CELF2: variants seen among roughly 807,000 people sequenced by gnomAD.
The protein encoded by CELF2 is CUG triplet repeat RNA-binding protein 2.
CELF2 carries 8 observed loss-of-function variants against 62.6 expected under a neutral mutation model. The observed-to-expected ratio is 0.13, with a 90% CI of 0.07 to 0.23. The LOEUF (loss-of-function observed/expected upper bound fraction) is 0.23. Ranked by LOEUF, CELF2 falls within the 10% of genes least tolerant of loss-of-function variation. CELF2 has a pLI of 1.00. For synonymous variants in CELF2, 258 were observed against 250.0 expected, an observed-to-expected ratio of 1.03 and a Z score of -0.30; for missense variants, 333 against 671.0, an observed-to-expected ratio of 0.50 and a Z score of 5.56.
rs1287856411 is a variant in CELF2 at position 11,280,180 on chromosome 10, A to G, written c.841+5060A>G. On this transcript the variant is annotated intron_variant, in intron 8 of 12. Transcript: ENST00000633077. The surrounding 1 kb of genome is among the most constrained non-coding windows in gnomAD (Gnocchi z 7.6). ...GGCACCCACATACCTCAGAAAAGAG[A>G]GAGCGACAGAGGGGAACCAGAAAGA... Among the ~76,000 whole-genome samples the G allele has an allele frequency of 6.6e-6, 1 of 152,132 alleles. No individual in the cohort carries two copies. The highest frequency in any genetic ancestry group is 1.5e-5 in the Non-Finnish European group (1 of 68,026).
chr10:10,558,187 T>C, the CELF2 span, among the ~76,000 whole-genome samples: 1 of 152,248 alleles, frequency 6.6e-6, no homozygotes, highest in Non-Finnish European at 1.5e-5. Context: ...TAGATAGCTC[T>C]TATTATTTTG....
At chr10:11,123,015 C>T (rs920875851) in intron 1 of CELF2, among the ~76,000 whole-genome samples, 7 of 152,078 alleles carry the variant, frequency 4.6e-5, no homozygotes, top group African/African-American at 7.2e-5. Flanking sequence ...ATATAAGTTC[C>T]CGAAAGTAGC....
chr10:10,655,389 A>G, the CELF2 span, among the ~76,000 whole-genome samples: 2 of 121,014 alleles, frequency 1.7e-5, no homozygotes, highest in African/African-American at 3.0e-5. Context: ...TTCATATGGA[A>G]CCAAAAAAGA....
At chr10:10,628,172 G>T in the CELF2 span, among the ~76,000 whole-genome samples, 1 of 152,196 alleles carries the variant, frequency 6.6e-6, no homozygotes, top group Admixed American at 6.5e-5. Context: ...CCAAAGTGCT[G>T]AGATTACAGC....
At chr10:10,578,860 A>G in the CELF2 span, among the ~76,000 whole-genome samples, 5 of 152,174 alleles carry the variant, frequency 3.3e-5, no homozygotes, top group Admixed American at 3.3e-4. Context: ...TGCACCAATC[A>G]TCCCAATGCT....
Position 11,227,197 on chromosome 10 carries a change from C to T in CELF2, c.354+9690C>T, listed in dbSNP as rs1737226326. Among the ~76,000 whole-genome samples, 1 of 152,210 alleles carries T rather than the reference C, an allele frequency of 6.6e-6. No homozygotes were observed. The highest frequency in any genetic ancestry group is 2.1e-4 in the South Asian group (1 of 4,834). ...ATCACACCCTCCTGCCCTGAAAACT[C>T]CTGGAGGCCTTTAGAAAGGAACTGT... On this transcript the variant is annotated intron_variant, in intron 3 of 12. Coordinates refer to ENST00000633077, the MANE Select transcript of CELF2 (RefSeq NM_001326342.2). The surrounding 1 kb of genome is among the most constrained non-coding windows in gnomAD (Gnocchi z 4.8).
the CELF2 span, among the ~76,000 whole-genome samples, chr10:10,724,835 T>C: frequency 1.3e-3 from 193 of 152,202 alleles, no homozygotes; most frequent in African/African-American, 4.4e-3. Context: ...TAAAAATGGC[T>C]CAAAAAGGCT....
intron 3 of CELF2, among the ~76,000 whole-genome samples, chr10:11,240,395 A>T (rs1016696994): frequency 6.6e-6 from 1 of 152,236 alleles, no homozygotes; most frequent in Non-Finnish European, 1.5e-5. Flanking sequence ...ATGTAAGATC[A>T]ATTAACGTCA....
In CELF2 at chr10:11,211,813, AGTGTGTGTGTGTGTGTGTGTGTGTGTGT is replaced by A. The variant is rs869213973; in HGVS notation, c.272-5597_272-5570del. Among the ~76,000 whole-genome samples the A allele has an allele frequency of 1.1e-5, 1 of 89,256 alleles. No individual in the cohort carries two copies. The highest frequency in any genetic ancestry group is 2.4e-5 in the Non-Finnish European group (1 of 42,366). 58.6% of individuals were successfully genotyped at this position (89,256 alleles called of 152,430 possible). Reference sequence around the variant, plus strand: ...GTGTGAGAGAGAGAGAGAGAGAGAGAGTGTGTGTGTGTGTGTGTGTGTGTGTGTGTGTGTGTGTGTGTAACTACCATTG... The same window carrying A: ...GTGTGAGAGAGAGAGAGAGAGAGAGAGTGTGTGTGTGTGTAACTACCATTG... On this transcript the variant is annotated intron_variant, in intron 2 of 12. Transcript: ENST00000633077. This position sits in a 1 kb window ranked among gnomAD's most constrained non-coding sequence, Gnocchi z 4.8.
intron 1 of CELF2, among the ~76,000 whole-genome samples, chr10:11,149,638 G>A (rs182325004): frequency 5.1e-4 from 78 of 152,270 alleles, no homozygotes; most frequent in Non-Finnish European, 2.9e-4. Context: ...TGCATCTCCC[G>A]TGCTCTGCTC....
intron 1 of CELF2, among the ~76,000 whole-genome samples, chr10:10,910,250 T>C (rs2063693481): frequency 6.6e-6 from 1 of 152,218 alleles, no homozygotes. Flanking sequence ...ACGTATGAAT[T>C]GCAGTGCAGC....
intron 1 of CELF2, among the ~76,000 whole-genome samples, chr10:11,085,370 C>G (rs1043500633): frequency 1.3e-5 from 2 of 152,140 alleles, no homozygotes; most frequent in Non-Finnish European, 2.9e-5. Context: ...TAATCCTGTT[C>G]ATTGAAAAAC....
intron 2 of CELF2, among the ~76,000 whole-genome samples, chr10:10,963,669 A>G (rs985977049): frequency 1.3e-5 from 2 of 152,220 alleles, no homozygotes; most frequent in South Asian, 4.1e-4. Context: ...TATATATAAA[A>G]TGATAAAGCA....
chr10:10,878,450 G>A (rs752002672), intron 1 of CELF2, among the ~76,000 whole-genome samples: 166 of 152,238 alleles, frequency 1.1e-3, no homozygotes, highest in Non-Finnish European at 2.0e-3. Context: ...AATTTAACCC[G>A]CGCTTCTGTG....
intron 5 of CELF2, among the ~76,000 whole-genome samples, chr10:11,261,552 G>A (rs575949630): frequency 3.3e-5 from 5 of 152,238 alleles, no homozygotes; most frequent in African/African-American, 1.2e-4. Context: ...GACTCTACGT[G>A]GAAAGCACCT....
chr10:10,641,181 T>C, the CELF2 span, among the ~76,000 whole-genome samples: 53 of 152,288 alleles, frequency 3.5e-4, no homozygotes, highest in East Asian at 9.1e-3. Context: ...GAAGGCAGCA[T>C]ACGGTTGTGG....
At chr10:10,651,298 G>C in the CELF2 span, among the ~76,000 whole-genome samples, 1 of 147,444 alleles carries the variant, frequency 6.8e-6, no homozygotes, top group Non-Finnish European at 1.5e-5. Flanking sequence ...TGGGGGAGGG[G>C]TGCCCGCCAT....
intron 1 of CELF2, among the ~76,000 whole-genome samples, chr10:10,816,408 A>G (rs1290921626): frequency 6.6e-6 from 1 of 152,228 alleles, no homozygotes; most frequent in Non-Finnish European, 1.5e-5. Flanking sequence ...CTGAAAATCT[A>G]ACCTACCTGA....
At chr10:10,700,848 G>C in the CELF2 span, among the ~76,000 whole-genome samples, 1 of 152,106 alleles carries the variant, frequency 6.6e-6, no homozygotes, top group Admixed American at 6.6e-5. Flanking sequence ...CTTCTTTCTT[G>C]TTCATCAGCC....
Sources: allele counts gnomAD v4.1 joint callset (sites outside exome capture counted in the v4.1 genomes callset), GRCh38; gene constraint gnomAD v4.1.1; non-coding constraint Gnocchi (gnomAD v3.1); transcripts MANE v1.5; gene names NCBI Gene and HGNC (gene_info 2026-07-23, HGNC 2026-07-21).